The following PDE3A variants were observed in gnomAD, a reference collection of about 807,000 sequenced individuals.
PDE3A encodes the protein phosphodiesterase 3A, also known as cGMP-inhibited 3',5'-cyclic phosphodiesterase 3A.
In PDE3A, 43 loss-of-function variants were observed where a neutral mutation model predicts 98.3. The observed-to-expected ratio is 0.44, with a 90% CI of 0.34 to 0.56. The LOEUF (loss-of-function observed/expected upper bound fraction) is 0.56. Among genes scored for constraint, PDE3A ranks in the 20% least tolerant of loss-of-function variants. The pLI is 0.01. For missense variants in PDE3A, 1,427 were observed against 1,440.7 expected (o/e 0.99, Z 0.15); for synonymous variants, 663 against 567.9 (o/e 1.17, Z -2.38).
At position 20,605,263 on chromosome 12, in the gene PDE3A, G is replaced by A. The variant is rs1943684243; in HGVS notation, c.1012-8180G>A. Among the ~76,000 whole-genome samples the A allele has an allele frequency of 4.6e-5, 7 of 152,212 alleles. No homozygotes were observed. In the South Asian group the frequency reaches 1.5e-3, roughly 32 times the overall value. On this transcript the variant is annotated intron_variant, in intron 2 of 15. Coordinates refer to ENST00000359062, the MANE Select transcript of PDE3A (RefSeq NM_000921.5). ...AACTTACCTATTGGGAGAAGTATAT[G>A]GAAATTCCACCAAATAGCCTATTCC... is the stretch of plus-strand genomic sequence containing the variant.
intron 1 of PDE3A, among the ~76,000 whole-genome samples, chr12:20,388,337 T>C (rs1432278917): frequency 6.6e-6 from 1 of 152,094 alleles, no homozygotes. Context: ...CCTGAAATTT[T>C]AGATCGGCCT....
intron 15 of PDE3A, among the ~76,000 whole-genome samples, chr12:20,670,581 C>T (rs967804964): frequency 2.0e-5 from 3 of 151,988 alleles, no homozygotes; most frequent in African/African-American, 4.8e-5. Flanking sequence ...AACTGAACAA[C>T]CTGCTCCTGA....
At chr12:20,593,469 A>T (rs772917166) in intron 2 of PDE3A, among the ~76,000 whole-genome samples, 1 of 151,920 alleles carries the variant, frequency 6.6e-6, no homozygotes, top group Non-Finnish European at 1.5e-5. Flanking sequence ...GGAAGAAACT[A>T]GAAGAAAAAA....
chr12:20,467,805 C>T (rs1382090833), intron 1 of PDE3A, among the ~76,000 whole-genome samples: 1 of 151,366 alleles, frequency 6.6e-6, no homozygotes, highest in Non-Finnish European at 1.5e-5. Context: ...CATGGTGGCA[C>T]GCGCCTATAA....
Position 20,670,395 on chromosome 12 carries a change from A to AT in PDE3A, c.3185-9628dup, listed in dbSNP as rs946414294. Among the ~76,000 whole-genome samples, 285 of 151,366 alleles carry AT rather than the reference A, an allele frequency of 1.9e-3. 5 individuals are homozygous for AT. In the South Asian group the frequency reaches 0.037, roughly 20 times the overall value. ...TCCACCCCAAATCAATAGAATATACATTTTTTTCAGCACCACACCACACCT... is the reference window on the plus strand; with the variant it reads ...TCCACCCCAAATCAATAGAATATACATTTTTTTTCAGCACCACACCACACCT... On this transcript the variant is annotated intron_variant, in intron 15 of 15. Transcript: ENST00000359062.
intron 5 of PDE3A, among the ~76,000 whole-genome samples, chr12:20,623,862 G>C (rs1453780187): frequency 1.3e-5 from 2 of 151,766 alleles, no homozygotes; most frequent in Non-Finnish European, 2.9e-5. Flanking sequence ...GAGAAAGTTT[G>C]AGATCTAATG....
chr12:20,534,113 A>G (rs1402918956), intron 1 of PDE3A, among the ~76,000 whole-genome samples: 2 of 152,168 alleles, frequency 1.3e-5, no homozygotes, highest in Non-Finnish European at 2.9e-5. Flanking sequence ...CACGTTATGC[A>G]GCCTTTCCTC....
chr12:20,455,626 G>A (rs905458571), intron 1 of PDE3A, among the ~76,000 whole-genome samples: 1 of 152,062 alleles, frequency 6.6e-6, no homozygotes, highest in Non-Finnish European at 1.5e-5. Context: ...ACTAGGAAAG[G>A]GTAGGCTGCC....
At chr12:20,622,672 G>T (rs565815304) in intron 5 of PDE3A, among the ~76,000 whole-genome samples, 3 of 152,122 alleles carry the variant, frequency 2.0e-5, no homozygotes, top group African/African-American at 4.8e-5. Flanking sequence ...ATACGGATTT[G>T]CTCAGTAATA....
intron 1 of PDE3A, among the ~76,000 whole-genome samples, chr12:20,512,250 G>C (rs1362072472): frequency 6.6e-6 from 1 of 151,966 alleles, no homozygotes; most frequent in Non-Finnish European, 1.5e-5. Context: ...GAAAAGTGAA[G>C]GGGGCTAGTG....
At chr12:20,586,381 A>G (rs1195576256) in intron 2 of PDE3A, among the ~76,000 whole-genome samples, 1 of 152,158 alleles carries the variant, frequency 6.6e-6, no homozygotes, top group Non-Finnish European at 1.5e-5. Flanking sequence ...GCCCTTTACT[A>G]CCTTAGCTAT....
intron 1 of PDE3A, among the ~76,000 whole-genome samples, chr12:20,381,824 G>T (rs973164719): frequency 6.6e-6 from 1 of 151,654 alleles, no homozygotes; most frequent in African/African-American, 2.4e-5. Context: ...TTGAATATTT[G>T]CTACATTGTA....
At chr12:20,644,817 T>TCCTCCTCCTCCTTCC (rs1944734293) in intron 10 of PDE3A, among the ~76,000 whole-genome samples, 2 of 149,932 alleles carry the variant, frequency 1.3e-5, no homozygotes, top group African/African-American at 4.9e-5. Context: ...TTGAGCCTCC[T>TCCTCCTCCTCCTTCC]CCTCCTCCTC....
intron 1 of PDE3A, among the ~76,000 whole-genome samples, chr12:20,465,087 T>A (rs879938260): frequency 6.6e-6 from 1 of 152,226 alleles, no homozygotes; most frequent in Non-Finnish European, 1.5e-5. Flanking sequence ...TTTCAATTTT[T>A]AAAAAATATT....
chr12:20,583,602 A>T (rs1228338908), intron 2 of PDE3A, among the ~76,000 whole-genome samples: 1 of 152,194 alleles, frequency 6.6e-6, no homozygotes, highest in African/African-American at 2.4e-5. Flanking sequence ...CTTAAACTCT[A>T]TGAGCTAATC....
intron 15 of PDE3A, among the ~76,000 whole-genome samples, chr12:20,663,869 G>A (rs766062387): frequency 6.6e-6 from 1 of 152,110 alleles, no homozygotes; most frequent in Non-Finnish European, 1.5e-5. Flanking sequence ...TTAGTTTTGG[G>A]AGAGGTGAGG....
At chr12:20,656,811 G>A (rs73238429) in intron 15 of PDE3A, among the ~76,000 whole-genome samples, 10,130 of 152,178 alleles carry the variant, frequency 0.067, 659 homozygotes, top group Middle Eastern at 0.18. Context: ...AAATACAGAC[G>A]CACAGATCCA....
chr12:20,506,939 A>G (rs1311480042), intron 1 of PDE3A, among the ~76,000 whole-genome samples: 2 of 152,212 alleles, frequency 1.3e-5, no homozygotes, highest in East Asian at 1.9e-4. Context: ...AAGACTACTT[A>G]TTTAGTAAAT....
chr12:20,608,335 T>A (rs1259447217), intron 2 of PDE3A, among the ~76,000 whole-genome samples: 2 of 152,136 alleles, frequency 1.3e-5, no homozygotes, highest in Non-Finnish European at 1.5e-5. Context: ...TATTCTAGAA[T>A]CATGAAAACA....
Sources: gnomAD v4.1 joint callset for allele counts (sites outside exome capture counted in the v4.1 genomes callset) on GRCh38, gnomAD v4.1.1 for gene constraint, MANE v1.5 for transcripts, NCBI Gene and HGNC (gene_info 2026-07-23, HGNC 2026-07-21) for gene names.